The following ACACB variants were observed in gnomAD, a reference collection of about 807,000 sequenced individuals.
The protein encoded by ACACB is acetyl-CoA carboxylase beta, also known as acetyl-CoA carboxylase 2.
ACACB carries 209 observed loss-of-function variants against 278.8 expected under a neutral mutation model. The observed-to-expected ratio is 0.75, with a 90% CI of 0.67 to 0.84. The LOEUF is 0.84. Among genes scored for constraint, ACACB ranks in the 40% least tolerant of loss-of-function variants. The probability of loss-of-function intolerance (pLI) is 0.00; values close to 1 mark genes in which losing one functional copy is unlikely to be tolerated. For synonymous variants in ACACB, 1,174 were observed against 1,285.6 expected (o/e 0.91, Z 1.86); for missense variants, 2,850 against 3,269.0 (o/e 0.87, Z 3.13).
chr12:109,139,964 T>A lies in ACACB; in HGVS notation c.559T>A (p.Ser187Thr). 6.2e-7 allele frequency: 1 copy of A among 1,613,968 alleles called. No individual in the cohort carries two copies. Residue 187 changes from serine to threonine, a missense_variant, in exon 2 of 53, where the codon TCT becomes ACT. Coordinates refer to ENST00000338432, the MANE Select transcript of ACACB (RefSeq NM_001093.4). ...EDSVAGSSRE[S>T]TRKGSRASLG... ...CTCTGTTGCTGGCTCATCTCGTGAG[T>A]CTACCCGGAAGGGCAGCCGGGCCAG...
chr12:109,207,742 G>A (rs570970881), intron 20 of ACACB, among the ~76,000 whole-genome samples: 71 of 152,310 alleles, frequency 4.7e-4, no homozygotes, highest in Middle Eastern at 3.4e-3. Flanking sequence ...GTGGTGGCAC[G>A]ATCTTGTCTC....
At chr12:109,241,388 TC>T in intron 36 of ACACB, 107 bp downstream of exon 36, 1 of 1,137,304 alleles carries the variant, frequency 8.8e-7, no homozygotes, top group Non-Finnish European at 1.3e-6. Flanking sequence ...TGCCTTGCTC[TC>T]CCATGTCATT....
At chr12:109,261,205 A>T (rs1299130862) in intron 48 of ACACB, among the ~76,000 whole-genome samples, 4 of 152,208 alleles carry the variant, frequency 2.6e-5, no homozygotes, top group Admixed American at 2.6e-4. Flanking sequence ...GCTACACAGG[A>T]TGTCAAGGCC....
intron 11 of ACACB, among the ~76,000 whole-genome samples, chr12:109,184,875 G>GT (rs1050972591): frequency 1.4e-4 from 21 of 151,740 alleles, no homozygotes; most frequent in African/African-American, 4.8e-4. Flanking sequence ...CCTGGCTAAT[G>GT]TTTTTTTAAT....
intron 21 of ACACB, among the ~76,000 whole-genome samples, chr12:109,211,282 G>T (rs2045839612): frequency 6.6e-6 from 1 of 150,792 alleles, no homozygotes; most frequent in Non-Finnish European, 1.5e-5. Flanking sequence ...CCACGTGGAT[G>T]AACCTATTGT....
chr12:109,212,688 C>T, intron 21 of ACACB, 148 bp from the exon 22 acceptor site: 1 of 651,852 alleles, frequency 1.5e-6, no homozygotes, highest in Non-Finnish European at 2.7e-6. Flanking sequence ...CTCCCTCACC[C>T]ACTGCTTACC....
intron 2 of ACACB, among the ~76,000 whole-genome samples, chr12:109,161,843 C>T (rs893380456): frequency 6.6e-6 from 1 of 152,002 alleles, no homozygotes; most frequent in Non-Finnish European, 1.5e-5. Flanking sequence ...CACATCATTG[C>T]AGAACATTTT....
At position 109,187,431 on chromosome 12, in the gene ACACB, T is replaced by TTTTATTTA. The variant is rs59491550; in HGVS notation, c.1981-528_1981-521dup. 7.4e-3 allele frequency among the ~76,000 whole-genome samples: 1,086 copies of TTTTATTTA among 146,262 alleles called. 5 individuals are homozygous for TTTTATTTA. Among genetic ancestry groups the TTTTATTTA allele is most frequent in the East Asian group, 0.031 (154 of 4,962 alleles). ...TACCATCTCTGTCCCAACTCGCTTA[T>TTTTATTTA]TTTATTTATTTATTTATTTATTTAT... On this transcript the variant is annotated intron_variant, in intron 12 of 52. Coordinates refer to ENST00000338432, the MANE Select transcript of ACACB (RefSeq NM_001093.4).
chr12:109,264,230 A>C lies in ACACB; in HGVS notation c.6788-2A>C, dbSNP rs750173559. The stretch of plus-strand genomic sequence containing the variant: ...TTGACTGGCCTTTCTGCTCACCTGC[A>C]GGGGAACCTGATCTCTCCGACAAGG... On this transcript the variant is annotated splice_acceptor_variant, in intron 49 of 52. Coordinates refer to ENST00000338432, the MANE Select transcript of ACACB (RefSeq NM_001093.4). LOFTEE classifies it high-confidence loss of function. 2 of 1,613,714 alleles carry C rather than the reference A, an allele frequency of 1.2e-6. No homozygotes were observed. The highest frequency in any genetic ancestry group is 1.7e-4 in the Middle Eastern group (1 of 6,056).
intron 41 of ACACB, among the ~76,000 whole-genome samples, chr12:109,250,666 A>G (rs2047070288): frequency 6.6e-6 from 1 of 152,104 alleles, no homozygotes. Flanking sequence ...TAGTACTAGT[A>G]GTAATTCTAG....
intron 1 of ACACB, among the ~76,000 whole-genome samples, chr12:109,132,141 A>G (rs2436631): frequency 0.24 from 37,058 of 151,916 alleles, 4,889 homozygotes; most frequent in East Asian, 0.59. Flanking sequence ...AATAGTGACA[A>G]TGACAATAAT....
At chr12:109,216,544 T>A in intron 22 of ACACB, 74 bp from the exon 23 acceptor site, 1 of 1,428,484 alleles carries the variant, frequency 7.0e-7, no homozygotes, top group Non-Finnish European at 9.7e-7. Flanking sequence ...TTAAAAATCA[T>A]AAAAAAAAAT....
intron 16 of ACACB, among the ~76,000 whole-genome samples, chr12:109,196,594 G>A (rs1357267169): frequency 3.3e-5 from 5 of 152,086 alleles, no homozygotes; most frequent in Admixed American, 2.0e-4. Context: ...TCACATTAGG[G>A]GTTGGGATTT....
intron 48 of ACACB, among the ~76,000 whole-genome samples, chr12:109,261,832 C>T (rs978268913): frequency 6.8e-6 from 1 of 147,144 alleles, no homozygotes; most frequent in Non-Finnish European, 1.5e-5. Context: ...GATAGTGCCA[C>T]TGCACTCCAG....
chr12:109,171,341 T>C, intron 4 of ACACB, among the ~76,000 whole-genome samples: 1 of 151,056 alleles, frequency 6.6e-6, no homozygotes, highest in East Asian at 1.9e-4. Flanking sequence ...TCATTTTCTT[T>C]ACATTTTCTT....
At chr12:109,114,529 G>C (rs1242511496), upstream of ACACB, among the ~76,000 whole-genome samples, 1 of 152,020 alleles carries the variant, frequency 6.6e-6, no homozygotes, top group Non-Finnish European at 1.5e-5. Flanking sequence ...GCCTTGTTTT[G>C]TTAGACCATG....
At chr12:109,243,897 T>TATA (rs1565965174) in intron 37 of ACACB, among the ~76,000 whole-genome samples, 3 of 147,412 alleles carry the variant, frequency 2.0e-5, no homozygotes, top group African/African-American at 7.4e-5. Context: ...ATATATATAT[T>TATA]TATTTATTTA....
chr12:109,222,520 G>GC lies in ACACB; in HGVS notation c.3581dup (p.Asp1195ArgfsTer47), dbSNP rs767148863. The stretch of plus-strand genomic sequence containing the variant: ...CTGTCCCCTAAGGATGAGCTGTGTG[G>GC]CCCAGACCCTTCCCTGTCGGACGAG... On this transcript the variant is annotated frameshift_variant, in exon 25 of 53. Coordinates refer to ENST00000338432, the MANE Select transcript of ACACB (RefSeq NM_001093.4). LOFTEE classifies it high-confidence loss of function. 6.9e-5 allele frequency: 112 copies of GC among 1,614,010 alleles called. No homozygotes were observed. The highest frequency in any genetic ancestry group is 1.6e-5 in the Non-Finnish European group (19 of 1,180,004).
At chr12:109,229,817 C>T (rs2046418283) in intron 28 of ACACB, among the ~76,000 whole-genome samples, 1 of 152,170 alleles carries the variant, frequency 6.6e-6, no homozygotes, top group Non-Finnish European at 1.5e-5. Flanking sequence ...ACAGGCGCCA[C>T]CATGCCTGGC....
Sources: allele counts gnomAD v4.1 joint callset (sites outside exome capture counted in the v4.1 genomes callset), GRCh38; gene constraint gnomAD v4.1.1; transcripts MANE v1.5; gene names NCBI Gene and HGNC (gene_info 2026-07-23, HGNC 2026-07-21).